TMPRSS11D: variants seen among roughly 807,000 people sequenced by gnomAD.
TMPRSS11D encodes the protein transmembrane serine protease 11D.
TMPRSS11D carries 32 observed loss-of-function variants against 44.4 expected under a neutral mutation model. That is an observed-to-expected ratio of 0.72 (90% confidence interval 0.54 to 0.97). The LOEUF is 0.97. Ranked by LOEUF, TMPRSS11D falls within the 50% of genes least tolerant of loss-of-function variation. The pLI is 0.00. For synonymous variants in TMPRSS11D, 179 were observed against 177.9 expected, an observed-to-expected ratio of 1.01 and a Z score of -0.05; for missense variants, 446 against 502.6, an observed-to-expected ratio of 0.89 and a Z score of 1.08.
At chr4:67,875,667 T>G (rs1395067184) in intron 1 of TMPRSS11D, among the ~76,000 whole-genome samples, 3 of 152,248 alleles carry the variant, frequency 2.0e-5, no homozygotes, top group Non-Finnish European at 4.4e-5. Flanking sequence ...TGCCATTTAT[T>G]TGCTGTGTGA....
chr4:67,837,901 TG>T (rs2109668493), intron 5 of TMPRSS11D: 1 of 252,652 alleles, frequency 4.0e-6, no homozygotes, highest in Non-Finnish European at 7.4e-6. Flanking sequence ...TAATGACATC[TG>T]ACAGTAACAT....
At chr4:67,869,215 C>G (rs1378279830) in intron 1 of TMPRSS11D, among the ~76,000 whole-genome samples, 1 of 152,148 alleles carries the variant, frequency 6.6e-6, no homozygotes, top group East Asian at 1.9e-4. Context: ...AAGTCATTAT[C>G]TTAGAGGTAG....
At chr4:67,846,073 T>G (rs993376445) in intron 3 of TMPRSS11D, among the ~76,000 whole-genome samples, 2 of 152,166 alleles carry the variant, frequency 1.3e-5, no homozygotes, top group South Asian at 2.1e-4. Context: ...TTTTGTCATT[T>G]TAATCACTCT....
chr4:67,826,004 T>C, intron 8 of TMPRSS11D, 130 bp from the exon 9 acceptor site: 2 of 1,155,192 alleles, frequency 1.7e-6, no homozygotes, highest in Admixed American at 5.3e-5. Flanking sequence ...CTTCTAAAGA[T>C]TTACTTTGGA....
At chr4:67,873,391 T>C (rs1166647719) in intron 1 of TMPRSS11D, among the ~76,000 whole-genome samples, 1 of 152,170 alleles carries the variant, frequency 6.6e-6, no homozygotes, top group Non-Finnish European at 1.5e-5. Context: ...CATATTTAAA[T>C]ACACAAGGAA....
In TMPRSS11D at chr4:67,842,666, GTTC is replaced by G. The variant is rs544641727; in HGVS notation, c.250-44_250-42del. On this transcript the variant is annotated intron_variant, in intron 3 of 9. Coordinates refer to ENST00000283916, the MANE Select transcript of TMPRSS11D (RefSeq NM_004262.3). The stretch of plus-strand genomic sequence containing the variant: ...GAGGGGGAATCTCTCTGTAAATACA[GTTC>G]TTCTTCTCCTTCCTCTCAACCTTGC... The G allele has an allele frequency of 6.9e-3, 10,567 of 1,538,840 alleles. 80 individuals carry two copies. The highest frequency in any genetic ancestry group is 7.2e-3 in the Non-Finnish European group (8,014 of 1,120,236).
rs1288681771 is a variant in TMPRSS11D, at chr4:67,854,069, A to G, written c.248T>C (p.Leu83Pro). ...GAGCAAAGACAAATATTAACTTACC[A>G]GAGATTCAATTCTTCCACTCAAAGT... ...YRTLSGRIES[L>P]ITKTFKESNL... Residue 83 changes from leucine (L) to proline (P), a missense_variant and splice_region_variant, in exon 3 of 10, where the codon CTG becomes CCG. By Grantham distance (98) the Leu-to-Pro change is moderately conservative. Transcript: ENST00000283916. 2 of 1,485,460 alleles carry G rather than the reference A, an allele frequency of 1.3e-6. No homozygotes were observed. The highest frequency in any genetic ancestry group is 1.8e-6 in the Non-Finnish European group (2 of 1,090,334). The allele number at this position is 1,485,460 out of a possible 1,614,324, so 92.0% of individuals were successfully genotyped here. A position where few individuals can be genotyped will look rare whatever the true frequency, so the allele number is the denominator to read the frequency against.
At chr4:67,875,251 A>G (rs1211940463) in intron 1 of TMPRSS11D, among the ~76,000 whole-genome samples, 1 of 152,208 alleles carries the variant, frequency 6.6e-6, no homozygotes, top group Non-Finnish European at 1.5e-5. Flanking sequence ...CCAGGGAGGC[A>G]GTATGCATAC....
intron 1 of TMPRSS11D, among the ~76,000 whole-genome samples, chr4:67,883,018 C>CAT (rs983831991): frequency 3.2e-4 from 49 of 151,480 alleles, no homozygotes; most frequent in African/African-American, 1.1e-3. Flanking sequence ...ACTTTTCACT[C>CAT]ATATATATAT....
chr4:67,826,927 G>GCAAA lies in TMPRSS11D; in HGVS notation c.952+330_952+333dup, dbSNP rs565642623. On this transcript the variant is annotated intron_variant, in intron 8 of 9. Transcript: ENST00000283916. ...GAAAGTCTTTGTCTCTAAAAAACAAGCAAACAAACAAACAAACAAAATCTT... is the reference window on the plus strand; with the variant it reads ...GAAAGTCTTTGTCTCTAAAAAACAAGCAAACAAACAAACAAACAAACAAAATCTT... Among the ~76,000 whole-genome samples, 53 of 152,112 alleles carry GCAAA rather than the reference G, an allele frequency of 3.5e-4. No homozygotes were observed. The South Asian group carries it at 9.3e-3, about 27-fold the overall frequency.
chr4:67,861,172 T>C (rs1176034673), intron 1 of TMPRSS11D, among the ~76,000 whole-genome samples: 1 of 152,156 alleles, frequency 6.6e-6, no homozygotes, highest in Non-Finnish European at 1.5e-5. Context: ...ATTTGTCTTA[T>C]TTGTTCATTT....
chr4:67,868,196 A>AGATAATATTTGTTTATT (rs1302967879), intron 1 of TMPRSS11D, among the ~76,000 whole-genome samples: 38 of 152,248 alleles, frequency 2.5e-4, no homozygotes, highest in African/African-American at 9.2e-4. Context: ...AGGTGAAACA[A>AGATAATATTTGTTTATT]CTCAGAAACA....
intron 9 of TMPRSS11D, among the ~76,000 whole-genome samples, 155 bp downstream of exon 9, chr4:67,825,577 T>TA (rs1432327059): frequency 6.6e-6 from 1 of 152,092 alleles, no homozygotes; most frequent in South Asian, 2.1e-4. Context: ...ACTTCATTCA[T>TA]AAAAAAATTT....
chr4:67,830,630 A>G (rs1447878270), intron 7 of TMPRSS11D, among the ~76,000 whole-genome samples: 1 of 152,052 alleles, frequency 6.6e-6, no homozygotes, highest in Non-Finnish European at 1.5e-5. Context: ...TTTATATTCA[A>G]CTTCTTTTGC....
chr4:67,831,954 A>G (rs1452197866), intron 7 of TMPRSS11D, among the ~76,000 whole-genome samples: 1 of 152,226 alleles, frequency 6.6e-6, no homozygotes, highest in Non-Finnish European at 1.5e-5. Context: ...TTTAACAAAT[A>G]CGTTTGTAAC....
rs569691185 is a variant in TMPRSS11D at position 67,824,513 on chromosome 4, G to A, written c.1095+1219C>T. On this transcript the variant is annotated intron_variant, in intron 9 of 9. Coordinates refer to ENST00000283916, the MANE Select transcript of TMPRSS11D (RefSeq NM_004262.3). ...AGAGAAACAGGAAGGAGAGCAAGAA[G>A]GGTTTCCTAGCACAGAGACATCTCC... Among the ~76,000 whole-genome samples, 11 of 152,114 alleles carry A rather than the reference G, an allele frequency of 7.2e-5. No individual in the cohort carries two copies. The East Asian group carries it at 2.1e-3, about 30-fold the overall frequency.
chr4:67,827,711 A>G (rs1425681955), intron 7 of TMPRSS11D, among the ~76,000 whole-genome samples, 191 bp from the exon 8 acceptor site: 1 of 152,148 alleles, frequency 6.6e-6, no homozygotes, highest in Non-Finnish European at 1.5e-5. Context: ...TCACTTGTCT[A>G]AAGAAATGGA....
chr4:67,857,348 T>G, intron 2 of TMPRSS11D, among the ~76,000 whole-genome samples: 2 of 131,606 alleles, frequency 1.5e-5, no homozygotes, highest in East Asian at 2.4e-4. Context: ...CACACACACA[T>G]ACACAATGGA....
intron 9 of TMPRSS11D, among the ~76,000 whole-genome samples, chr4:67,824,026 C>T (rs576134708): frequency 3.3e-5 from 5 of 151,294 alleles, no homozygotes; most frequent in Non-Finnish European, 5.9e-5. Flanking sequence ...AACACAACGT[C>T]GGGTGCATAG....
Sources: allele counts gnomAD v4.1 joint callset (sites outside exome capture counted in the v4.1 genomes callset), GRCh38; gene constraint gnomAD v4.1.1; transcripts MANE v1.5; gene names NCBI Gene and HGNC (gene_info 2026-07-23, HGNC 2026-07-21).